C1QTNF3: variants seen among roughly 807,000 people sequenced by gnomAD.
C1QTNF3 encodes the protein complement C1q tumor necrosis factor-related protein 3.
In C1QTNF3, 26 loss-of-function variants were observed where a neutral mutation model predicts 32.6. The observed-to-expected ratio is 0.80, with a 90% confidence interval of 0.58 to 1.11. C1QTNF3 has a LOEUF of 1.11. C1QTNF3 is among the 50% of genes least tolerant of loss of function. The probability of loss-of-function intolerance (pLI) is 0.00; values close to 1 mark genes in which losing one functional copy is unlikely to be tolerated. For synonymous variants in C1QTNF3, 155 were observed against 146.0 expected (o/e 1.06, Z -0.44); for missense variants, 362 against 398.2 (o/e 0.91, Z 0.77).
the C1QTNF3 span, among the ~76,000 whole-genome samples, chr5:34,122,356 T>A: frequency 6.6e-6 from 1 of 152,294 alleles, no homozygotes; most frequent in East Asian, 1.9e-4. Context: ...TTGGTAAAGG[T>A]CACACTGATG....
the C1QTNF3 span, among the ~76,000 whole-genome samples, chr5:34,126,749 A>G: frequency 1.3e-5 from 2 of 151,806 alleles, no homozygotes; most frequent in Non-Finnish European, 2.9e-5. Flanking sequence ...ACAATGGAAT[A>G]TTATTCAGCA....
At chr5:34,142,314 C>T in the C1QTNF3 span, among the ~76,000 whole-genome samples, 1 of 152,082 alleles carries the variant, frequency 6.6e-6, no homozygotes, top group Non-Finnish European at 1.5e-5. Context: ...TGCCTGTAGT[C>T]CCAGCTACTT....
the C1QTNF3 span, among the ~76,000 whole-genome samples, chr5:34,144,013 C>T: frequency 6.6e-6 from 1 of 152,198 alleles, no homozygotes; most frequent in African/African-American, 2.4e-5. Context: ...CAAGAATTAA[C>T]TGCCTTCTGT....
At chr5:34,162,285 A>C in the C1QTNF3 span, among the ~76,000 whole-genome samples, 1 of 152,168 alleles carries the variant, frequency 6.6e-6, no homozygotes, top group Non-Finnish European at 1.5e-5. Flanking sequence ...AGGCAAAAGC[A>C]AGCTAGCAAG....
intron 4 of C1QTNF3, chr5:34,024,424 C>G (rs1461778357): frequency 5.8e-6 from 1 of 172,276 alleles, no homozygotes; most frequent in African/African-American, 2.4e-5. Flanking sequence ...AGAAAATGAG[C>G]AACTATTACA....
the C1QTNF3 span, among the ~76,000 whole-genome samples, chr5:34,138,624 G>T: frequency 6.6e-6 from 1 of 151,956 alleles, no homozygotes; most frequent in Non-Finnish European, 1.5e-5. Context: ...TTCCTGTCAT[G>T]AATTTTTTTG....
the C1QTNF3 span, among the ~76,000 whole-genome samples, chr5:34,139,730 GCAT>G: frequency 6.6e-6 from 1 of 152,058 alleles, no homozygotes; most frequent in African/African-American, 2.4e-5. Context: ...ATTTCTCTCT[GCAT>G]CATCTAGGAG....
the C1QTNF3 span, among the ~76,000 whole-genome samples, chr5:34,216,650 T>G: frequency 1.3e-5 from 2 of 152,216 alleles, no homozygotes; most frequent in African/African-American, 4.8e-5. Flanking sequence ...TTGTTCACTT[T>G]CAATAACTAT....
chr5:34,198,086 T>G, the C1QTNF3 span, among the ~76,000 whole-genome samples: 1 of 122,042 alleles, frequency 8.2e-6, no homozygotes. Context: ...ATACAAAAAT[T>G]AGCCAGGTGT....
the C1QTNF3 span, among the ~76,000 whole-genome samples, chr5:34,223,093 T>C: frequency 2.0e-5 from 3 of 151,552 alleles, no homozygotes; most frequent in African/African-American, 7.3e-5. Context: ...TATGTATACA[T>C]GTGCCATGCT....
the C1QTNF3 span, among the ~76,000 whole-genome samples, chr5:34,075,291 T>G: frequency 6.6e-6 from 1 of 151,620 alleles, no homozygotes; most frequent in East Asian, 1.9e-4. Context: ...TAGTCTACCA[T>G]CAAAACTAGT....
chr5:34,129,716 A>G, the C1QTNF3 span, among the ~76,000 whole-genome samples: 1 of 151,952 alleles, frequency 6.6e-6, no homozygotes, highest in Non-Finnish European at 1.5e-5. Context: ...TGTAAAATTG[A>G]TCAATATAAA....
chr5:34,213,163 G>A, the C1QTNF3 span, among the ~76,000 whole-genome samples: 1 of 152,080 alleles, frequency 6.6e-6, no homozygotes, highest in South Asian at 2.1e-4. Flanking sequence ...ATAATCATGT[G>A]CCACATAACA....
the C1QTNF3 span, among the ~76,000 whole-genome samples, chr5:34,160,926 A>G: frequency 9.2e-5 from 14 of 152,318 alleles, no homozygotes; most frequent in African/African-American, 3.1e-4. Flanking sequence ...AGAAAGAATA[A>G]GAATTTCAGA....
At chr5:34,222,976 G>A in the C1QTNF3 span, among the ~76,000 whole-genome samples, 1 of 151,830 alleles carries the variant, frequency 6.6e-6, no homozygotes, top group African/African-American at 2.4e-5. Context: ...TTCAGTGCAT[G>A]GTGTAGTGCT....
chr5:34,205,357 C>T, the C1QTNF3 span, among the ~76,000 whole-genome samples: 1 of 152,232 alleles, frequency 6.6e-6, no homozygotes, highest in East Asian at 1.9e-4. Flanking sequence ...TACATTTTGT[C>T]CCCTCTCAAA....
At chr5:34,240,462 C>T in the C1QTNF3 span, among the ~76,000 whole-genome samples, 1 of 150,498 alleles carries the variant, frequency 6.6e-6, no homozygotes, top group Non-Finnish European at 1.5e-5. Flanking sequence ...CACAGACATA[C>T]AAAATAATCC....
At chr5:34,166,226 G>C in the C1QTNF3 span, 2 of 151,902 alleles carry the variant, frequency 1.3e-5, no homozygotes, top group African/African-American at 4.8e-5. Flanking sequence ...AAACATAAAA[G>C]GTATGTCTCC....
the C1QTNF3 span, among the ~76,000 whole-genome samples, chr5:34,206,944 G>A: frequency 6.6e-6 from 1 of 152,190 alleles, no homozygotes; most frequent in Non-Finnish European, 1.5e-5. Context: ...AGCAAACCCT[G>A]ACAGGGTGAG....
Sources: gnomAD v4.1 joint callset for allele counts (sites outside exome capture counted in the v4.1 genomes callset) on GRCh38, gnomAD v4.1.1 for gene constraint, MANE v1.5 for transcripts, NCBI Gene and HGNC (gene_info 2026-07-23, HGNC 2026-07-21) for gene names.